NPL: variants seen among roughly 807,000 people sequenced by gnomAD.
The protein encoded by NPL is N-acetylneuraminate pyruvate lyase.
Under a neutral mutation model 41.1 loss-of-function variants are expected in NPL, and 32 were observed. The observed-to-expected ratio is 0.78, with a 90% CI of 0.59 to 1.05. The LOEUF (loss-of-function observed/expected upper bound fraction) is 1.05, where lower values mean the gene tolerates loss of function less well. Among genes scored for constraint, NPL ranks in the 50% least tolerant of loss-of-function variants. The pLI is 0.00. For synonymous variants in NPL, 128 were observed against 134.9 expected (o/e 0.95, Z 0.35); for missense variants, 321 against 378.4 (o/e 0.85, Z 1.26).
At chr1:182,823,358 A>T (rs1667540533) in intron 11 of NPL, among the ~76,000 whole-genome samples, 1 of 152,230 alleles carries the variant, frequency 6.6e-6, no homozygotes, top group African/African-American at 2.4e-5. Context: ...CAACCCAAAG[A>T]CAACATGAAG....
At chr1:182,793,328 T>C (rs1013607307) in intron 2 of NPL, among the ~76,000 whole-genome samples, 4 of 152,170 alleles carry the variant, frequency 2.6e-5, no homozygotes, top group Non-Finnish European at 4.4e-5. Context: ...TCTTTTACAC[T>C]GATTATGGGC....
At chr1:182,816,662 A>G in intron 7 of NPL, 52 bp from the exon 8 acceptor site, 2 of 1,269,186 alleles carry the variant, frequency 1.6e-6, no homozygotes, top group South Asian at 2.4e-5. Context: ...TTACCAGGAA[A>G]GCCACTGTTT....
At chr1:182,796,100 T>C (rs1460623255) in intron 3 of NPL, among the ~76,000 whole-genome samples, 1 of 151,114 alleles carries the variant, frequency 6.6e-6, no homozygotes, top group Admixed American at 6.6e-5. Context: ...GCTGCATCCA[T>C]TTTACTATTT....
intron 11 of NPL, 85 bp downstream of exon 11, chr1:182,822,284 C>T (rs1007532268): frequency 8.8e-6 from 8 of 905,920 alleles, no homozygotes; most frequent in Non-Finnish European, 1.1e-5. Flanking sequence ...ACCATGCCTG[C>T]CCTCATTAAA....
intron 6 of NPL, among the ~76,000 whole-genome samples, chr1:182,814,014 T>A (rs1001806431): frequency 6.6e-6 from 1 of 152,228 alleles, no homozygotes; most frequent in Non-Finnish European, 1.5e-5. Flanking sequence ...ATATTACAAG[T>A]CAAAGTCTCA....
intron 3 of NPL, among the ~76,000 whole-genome samples, chr1:182,796,166 C>CAAAAA (rs11419574): frequency 0.033 from 3,357 of 102,862 alleles, 187 homozygotes; most frequent in African/African-American, 0.1. Flanking sequence ...GGTGTGAAAT[C>CAAAAA]AAAAAAAAAA....
intron 5 of NPL, among the ~76,000 whole-genome samples, chr1:182,807,526 A>G (rs1667049453): frequency 6.6e-6 from 1 of 152,100 alleles, no homozygotes; most frequent in East Asian, 1.9e-4. Flanking sequence ...TCTAGGGTCC[A>G]AAAATATTAA....
At chr1:182,790,657 T>TGTC (rs76877202) in intron 1 of NPL, among the ~76,000 whole-genome samples, 2 of 148,034 alleles carry the variant, frequency 1.4e-5, no homozygotes, top group Non-Finnish European at 3.0e-5. Context: ...TTGTTGTTGT[T>TGTC]TTTGAGACGG....
At chr1:182,816,655 C>T (rs1243220272) in intron 7 of NPL, 59 bp from the exon 8 acceptor site, 6 of 1,215,736 alleles carry the variant, frequency 4.9e-6, no homozygotes, top group Non-Finnish European at 7.3e-6. Context: ...CTCTTTTTTA[C>T]CAGGAAAGCC....
At chr1:182,811,851 T>C (rs1056329346) in intron 5 of NPL, among the ~76,000 whole-genome samples, 1 of 152,206 alleles carries the variant, frequency 6.6e-6, no homozygotes, top group Admixed American at 6.5e-5. Context: ...AATACCATTT[T>C]AACCTTGCCT....
In NPL at chr1:182,828,717, C is replaced by T. The variant is rs764750718; in HGVS notation, c.779-7C>T. On this transcript the variant is annotated splice_polypyrimidine_tract_variant and splice_region_variant and intron_variant, in intron 12 of 12. Coordinates refer to ENST00000367553, the MANE Select transcript of NPL (RefSeq NM_030769.3). This position sits in a 1 kb window ranked among gnomAD's most constrained non-coding sequence, Gnocchi z 4.0. ...GTCATGTTTCCTCATTTGTTTTTCC[C>T]GTCTAGGTTTTGGAGTGTCACAGAC... 7 of 1,613,926 alleles carry T rather than the reference C, an allele frequency of 4.3e-6. No homozygotes were observed. The highest frequency in any genetic ancestry group is 4.0e-5 in the African/African-American group (3 of 74,882).
intron 8 of NPL, 85 bp from the exon 9 acceptor site, chr1:182,818,456 C>T: frequency 6.4e-7 from 1 of 1,553,132 alleles, no homozygotes; most frequent in Non-Finnish European, 8.8e-7. Context: ...CAGCGTGTGG[C>T]AGCTCACTGC....
chr1:182,829,757 A>G lies in NPL; in HGVS notation c.*849A>G, dbSNP rs1021030222. ...CCTTTCTGCAGTGAGCCCAGGGGCT[A>G]ATGTTATTATCCTGTCACACTTGCA... On this transcript the variant is annotated 3_prime_UTR_variant, in exon 13 of 13. Coordinates refer to ENST00000367553, the MANE Select transcript of NPL (RefSeq NM_030769.3). The G allele has an allele frequency of 1.1e-6, 1 of 891,784 alleles. No homozygotes were observed. 55.2% of individuals were successfully genotyped at this position (891,784 alleles called of 1,614,324 possible). A position where few individuals can be genotyped will look rare whatever the true frequency, so the allele number is the denominator to read the frequency against.
intron 7 of NPL, 76 bp from the exon 8 acceptor site, chr1:182,816,637 AG>A: frequency 2.0e-6 from 2 of 1,004,172 alleles, no homozygotes; most frequent in South Asian, 2.6e-5. Flanking sequence ...GTGTTTCATC[AG>A]ATGATTCTCT....
intron 11 of NPL, among the ~76,000 whole-genome samples, chr1:182,823,030 A>G (rs1571277345): frequency 6.6e-6 from 1 of 152,230 alleles, no homozygotes; most frequent in African/African-American, 2.4e-5. Context: ...CACCATGCCC[A>G]GCTAACATCT....
intron 3 of NPL, among the ~76,000 whole-genome samples, chr1:182,801,481 C>A (rs1241572937): frequency 6.6e-6 from 1 of 152,120 alleles, no homozygotes; most frequent in African/African-American, 2.4e-5. Context: ...CTGGCCTAGA[C>A]CTGCCTAAGG....
chr1:182,800,010 G>A (rs1370370863), intron 3 of NPL, among the ~76,000 whole-genome samples: 1 of 152,158 alleles, frequency 6.6e-6, no homozygotes, highest in Non-Finnish European at 1.5e-5. Context: ...CAAATGCCCA[G>A]TGGGTGGGCA....
intron 7 of NPL, among the ~76,000 whole-genome samples, chr1:182,815,776 T>A (rs955137084): frequency 6.6e-6 from 1 of 152,092 alleles, no homozygotes; most frequent in Admixed American, 6.5e-5. Context: ...AGCTAATTTT[T>A]AAAAAAATTT....
intron 4 of NPL, among the ~76,000 whole-genome samples, chr1:182,803,981 C>T (rs567462008): frequency 6.6e-6 from 1 of 152,180 alleles, no homozygotes; most frequent in South Asian, 2.1e-4. Flanking sequence ...GATAGTGTGC[C>T]AACACTTAAG....
Sources: gnomAD v4.1 joint callset for allele counts (sites outside exome capture counted in the v4.1 genomes callset) on GRCh38, gnomAD v4.1.1 for gene constraint, Gnocchi (gnomAD v3.1) non-coding constraint, MANE v1.5 for transcripts, NCBI Gene and HGNC (gene_info 2026-07-23, HGNC 2026-07-21) for gene names.